Variants in ROBO2 observed in about 807,000 individuals in gnomAD.
ROBO2 encodes roundabout guidance receptor 2.
A neutral mutation model predicts 160.8 loss-of-function variants in ROBO2; 53 were observed. That is an observed-to-expected ratio of 0.33 (90% CI 0.26 to 0.41). The LOEUF is 0.41. Ranked by LOEUF, ROBO2 falls within the 10% of genes least tolerant of loss-of-function variation. The probability of loss-of-function intolerance (pLI) is 1.00; values close to 1 mark genes in which losing one functional copy is unlikely to be tolerated. For synonymous variants in ROBO2, 664 were observed against 611.7 expected (o/e 1.09, Z -1.26); for missense variants, 1,577 against 1,722.4 (o/e 0.92, Z 1.49).
At chr3:77,275,536 G>T (rs1347185608) in intron 2 of ROBO2, among the ~76,000 whole-genome samples, 3 of 152,048 alleles carry the variant, frequency 2.0e-5, no homozygotes, top group Non-Finnish European at 2.9e-5. Context: ...TTTAATATGT[G>T]CAGCAAGTGA....
intron 2 of ROBO2, among the ~76,000 whole-genome samples, chr3:76,666,857 A>C (rs997331916): frequency 2.0e-5 from 3 of 152,138 alleles, no homozygotes; most frequent in Non-Finnish European, 2.9e-5. Flanking sequence ...ATAACTAATA[A>C]TGATTTAGAA....
chr3:76,112,308 C>T lies in ROBO2; in HGVS notation c.109+174706C>T, dbSNP rs753163826. Among the ~76,000 whole-genome samples, 98 of 151,940 alleles carry T rather than the reference C, an allele frequency of 6.4e-4. 3 individuals are homozygous for T. The highest frequency in any genetic ancestry group is 1.8e-4 in the Non-Finnish European group (12 of 67,970). The stretch of plus-strand genomic sequence containing the variant: ...TTTAGGAGTTTGGCAAAACATAGTA[C>T]TATTATTATCATGGGCATCTTGTCA... On this transcript the variant is annotated intron_variant, in intron 2 of 26. Transcript: ENST00000487694.
chr3:77,290,217 G>C (rs1298360821), intron 2 of ROBO2, among the ~76,000 whole-genome samples: 2 of 148,080 alleles, frequency 1.4e-5, no homozygotes, highest in African/African-American at 2.5e-5. Flanking sequence ...TCTGAGGCTA[G>C]ATCACCCCAG....
Position 77,307,408 on chromosome 3 carries a change from G to A in ROBO2, c.389-170006G>A, listed in dbSNP as rs145186032. 4.5e-4 allele frequency among the ~76,000 whole-genome samples: 69 copies of A among 152,204 alleles called. 1 individual carries two copies. The highest frequency in any genetic ancestry group is 1.6e-3 in the African/African-American group (66 of 41,542). On this transcript the variant is annotated intron_variant, in intron 2 of 25. Transcript: ENST00000461745. ...TGGCTAAGGGATTGCAAACATAAAAGCATACAGGGGTGAAGTGAATCAAGT... is the reference window on the plus strand; with the variant it reads ...TGGCTAAGGGATTGCAAACATAAAAACATACAGGGGTGAAGTGAATCAAGT...
At chr3:76,049,403 A>ATATATTT (rs1414664360) in intron 2 of ROBO2, among the ~76,000 whole-genome samples, 3 of 53,760 alleles carry the variant, frequency 5.6e-5, no homozygotes, top group African/African-American at 1.5e-4. Context: ...ATATATATAT[A>ATATATTT]TTTTTTTTTT....
intron 2 of ROBO2, among the ~76,000 whole-genome samples, chr3:76,431,354 A>T (rs2076429832): frequency 6.6e-6 from 1 of 152,174 alleles, no homozygotes; most frequent in Non-Finnish European, 1.5e-5. Flanking sequence ...GTGACTAAAA[A>T]GTAGCCTTAT....
chr3:76,937,283 T>C (rs779730359), intron 2 of ROBO2, among the ~76,000 whole-genome samples: 36 of 152,198 alleles, frequency 2.4e-4, no homozygotes, highest in Non-Finnish European at 4.4e-4. Context: ...TGTGGCATGC[T>C]ATGCTACCTT....
chr3:76,156,696 A>G (rs539711477), intron 2 of ROBO2, among the ~76,000 whole-genome samples: 5 of 152,356 alleles, frequency 3.3e-5, no homozygotes, highest in African/African-American at 1.2e-4. Flanking sequence ...TGCTGGGCGC[A>G]GTGGCTCGCG....
intron 1 of ROBO2, among the ~76,000 whole-genome samples, chr3:77,058,376 G>C (rs1314134882): frequency 6.6e-6 from 1 of 152,032 alleles, no homozygotes; most frequent in East Asian, 1.9e-4. Context: ...ATATTATTGT[G>C]TGCCATCTGG....
intron 1 of ROBO2, among the ~76,000 whole-genome samples, chr3:77,082,706 A>C (rs575279679): frequency 1.3e-4 from 17 of 131,260 alleles, no homozygotes; most frequent in Non-Finnish European, 2.2e-4. Context: ...GTAACATTCT[A>C]TATATATATA....
intron 2 of ROBO2, among the ~76,000 whole-genome samples, chr3:76,710,126 CT>C (rs34165260): frequency 0.014 from 2,095 of 147,088 alleles, 40 homozygotes; most frequent in African/African-American, 0.04. Flanking sequence ...TTTTTCTTTT[CT>C]TTTTTTTTTT....
intron 2 of ROBO2, chr3:76,434,822 A>C: frequency 6.5e-7 from 1 of 1,529,508 alleles, no homozygotes; most frequent in East Asian, 2.2e-5. Flanking sequence ...TGAATCATGT[A>C]TCTGATGACA....
chr3:77,029,633 C>T (rs2063187500), intron 2 of ROBO2, among the ~76,000 whole-genome samples: 1 of 152,114 alleles, frequency 6.6e-6, no homozygotes, highest in Non-Finnish European at 1.5e-5. Context: ...AACATTTTCA[C>T]ATAGAGACTA....
At chr3:77,571,938 A>T (rs2093647208) in intron 13 of ROBO2, among the ~76,000 whole-genome samples, 1 of 151,850 alleles carries the variant, frequency 6.6e-6, no homozygotes, top group Admixed American at 6.6e-5. Flanking sequence ...GCACACAATC[A>T]AGTTAAACTA....
At chr3:76,420,250 A>T (rs2108915957) in intron 2 of ROBO2, among the ~76,000 whole-genome samples, 1 of 152,244 alleles carries the variant, frequency 6.6e-6, no homozygotes, top group African/African-American at 2.4e-5. Flanking sequence ...CCTAGGCTCA[A>T]GCAATCTTCT....
At chr3:76,355,228 A>T (rs948508126) in intron 2 of ROBO2, among the ~76,000 whole-genome samples, 1 of 151,792 alleles carries the variant, frequency 6.6e-6, no homozygotes, top group Non-Finnish European at 1.5e-5. Context: ...GTGGCAGATA[A>T]TGTATCTTCT....
chr3:77,052,967 T>A (rs2149705222), intron 1 of ROBO2, among the ~76,000 whole-genome samples: 1 of 152,270 alleles, frequency 6.6e-6, no homozygotes, highest in African/African-American at 2.4e-5. Context: ...ACAAAGAAGT[T>A]GTTATTTATA....
intron 2 of ROBO2, among the ~76,000 whole-genome samples, chr3:76,770,589 A>G (rs1390516589): frequency 4.0e-5 from 6 of 151,108 alleles, no homozygotes; most frequent in Non-Finnish European, 4.4e-5. Flanking sequence ...GCACCCTTAC[A>G]CCCAACATAC....
At chr3:76,568,529 AT>A (rs2084753736) in intron 2 of ROBO2, among the ~76,000 whole-genome samples, 1 of 149,970 alleles carries the variant, frequency 6.7e-6, no homozygotes, top group Non-Finnish European at 1.5e-5. Context: ...GATGGTCTCG[AT>A]CTCCTGACCT....
Sources: gnomAD v4.1 joint callset for allele counts (sites outside exome capture counted in the v4.1 genomes callset) on GRCh38, gnomAD v4.1.1 for gene constraint, MANE v1.5 for transcripts, NCBI Gene and HGNC (gene_info 2026-07-23, HGNC 2026-07-21) for gene names.